TMEM132D: variants seen among roughly 807,000 people sequenced by gnomAD.
TMEM132D encodes mature OL transmembrane protein.
TMEM132D carries 21 observed loss-of-function variants against 62.3 expected under a neutral mutation model. That is an observed-to-expected ratio of 0.34 (90% CI 0.24 to 0.49). The LOEUF (loss-of-function observed/expected upper bound fraction) is 0.49, where lower values mean the gene tolerates loss of function less well. Among genes scored for constraint, TMEM132D ranks in the 20% least tolerant of loss-of-function variants. TMEM132D has a pLI of 0.99. For synonymous variants in TMEM132D, 621 were observed against 575.6 expected (o/e 1.08, Z -1.13); for missense variants, 1,346 against 1,402.8 (o/e 0.96, Z 0.65).
chr12:129,611,025 C>T (rs1437085018), intron 2 of TMEM132D, among the ~76,000 whole-genome samples: 2 of 152,248 alleles, frequency 1.3e-5, no homozygotes, highest in South Asian at 2.1e-4. Flanking sequence ...AGCTGCACCC[C>T]AGGAATCCAA....
Position 129,157,975 on chromosome 12 carries a change from G to C in TMEM132D, c.1443+51545C>G, listed in dbSNP as rs899176075. ...GATGGAGAGATAGAATTTGTCAGAG[G>C]GGTGGAGATGAGATGCGAGATAAAG... On this transcript the variant is annotated intron_variant, in intron 5 of 8. Transcript: ENST00000422113. Among the ~76,000 whole-genome samples, 5 of 152,256 alleles carry C rather than the reference G, an allele frequency of 3.3e-5. No homozygotes were observed. The East Asian group carries it at 9.6e-4, about 29-fold the overall frequency.
At chr12:129,792,437 T>C (rs2137299541) in intron 1 of TMEM132D, among the ~76,000 whole-genome samples, 1 of 152,314 alleles carries the variant, frequency 6.6e-6, no homozygotes, top group Non-Finnish European at 1.5e-5. Flanking sequence ...GGAGAGTAAC[T>C]CAATCAATGT....
At chr12:129,261,850 T>A (rs1420958138) in intron 4 of TMEM132D, among the ~76,000 whole-genome samples, 1 of 152,184 alleles carries the variant, frequency 6.6e-6, no homozygotes, top group Non-Finnish European at 1.5e-5. Context: ...TATGTCCAAA[T>A]ACAGTCACGT....
intron 1 of TMEM132D, among the ~76,000 whole-genome samples, chr12:129,872,719 T>A (rs1874288463): frequency 6.6e-6 from 1 of 152,206 alleles, no homozygotes; most frequent in Admixed American, 6.5e-5. Flanking sequence ...CTTTGTAATG[T>A]ACCGACGTAA....
intron 1 of TMEM132D, among the ~76,000 whole-genome samples, chr12:129,781,221 T>C (rs1871109489): frequency 1.3e-5 from 2 of 152,172 alleles, no homozygotes; most frequent in African/African-American, 4.8e-5. Context: ...TCTTTATGCA[T>C]AAATGTTTAG....
intron 2 of TMEM132D, among the ~76,000 whole-genome samples, chr12:129,568,176 CT>C: frequency 6.6e-6 from 1 of 152,234 alleles, no homozygotes; most frequent in Admixed American, 6.5e-5. Context: ...TGCAGGTGTG[CT>C]GCTGCAGTGT....
intron 4 of TMEM132D, among the ~76,000 whole-genome samples, chr12:129,257,082 A>G (rs900683401): frequency 1.3e-5 from 2 of 152,138 alleles, no homozygotes; most frequent in African/African-American, 4.8e-5. Context: ...GGTGTCTGAG[A>G]AGAAGGGTGT....
At chr12:129,121,104 TG>T (rs1175132651) in intron 5 of TMEM132D, among the ~76,000 whole-genome samples, 11 of 146,952 alleles carry the variant, frequency 7.5e-5, no homozygotes, top group Non-Finnish European at 1.2e-4. Flanking sequence ...TTTATTTATT[TG>T]TTTTTTTTGA....
intron 2 of TMEM132D, among the ~76,000 whole-genome samples, chr12:129,596,738 A>T (rs1232881023): frequency 6.6e-6 from 1 of 151,908 alleles, no homozygotes; most frequent in Non-Finnish European, 1.5e-5. Flanking sequence ...TTTTGATTGA[A>T]TTCCATATGC....
At chr12:129,236,538 AAAAAG>A (rs1879791375) in intron 4 of TMEM132D, among the ~76,000 whole-genome samples, 1 of 151,652 alleles carries the variant, frequency 6.6e-6, no homozygotes, top group Non-Finnish European at 1.5e-5. Context: ...AAAAGAAAAA[AAAAAG>A]AAAAGAAATG....
At chr12:129,631,616 G>T (rs1179667043) in intron 2 of TMEM132D, among the ~76,000 whole-genome samples, 2 of 152,338 alleles carry the variant, frequency 1.3e-5, no homozygotes, top group East Asian at 3.9e-4. Flanking sequence ...GGGATGGAGA[G>T]AGAATCACAT....
At chr12:129,522,739 A>C (rs1282150641) in intron 3 of TMEM132D, 1 of 120,892 alleles carries the variant, frequency 8.3e-6, no homozygotes, top group Non-Finnish European at 1.7e-5. Flanking sequence ...GCAAATGTTC[A>C]TGATCCTTAA....
chr12:129,764,935 T>A (rs114204811), intron 1 of TMEM132D, among the ~76,000 whole-genome samples: 4,378 of 152,084 alleles, frequency 0.029, 219 homozygotes, highest in African/African-American at 0.097. Flanking sequence ...AGCAAGACCC[T>A]GTCTCAAAAA....
intron 4 of TMEM132D, among the ~76,000 whole-genome samples, chr12:129,218,832 C>T (rs560062886): frequency 2.0e-4 from 30 of 152,182 alleles, no homozygotes; most frequent in East Asian, 1.4e-3. Flanking sequence ...TTGCAGGAGG[C>T]GGGAGTGAGG....
At chr12:129,165,917 CACGTG>C (rs1877532271) in intron 5 of TMEM132D, among the ~76,000 whole-genome samples, 1 of 152,238 alleles carries the variant, frequency 6.6e-6, no homozygotes, top group African/African-American at 2.4e-5. Context: ...AGTGGCTATT[CACGTG>C]ACGCTGACTA....
At position 129,427,185 on chromosome 12, in the gene TMEM132D, A is replaced by G. The variant is rs149679989; in HGVS notation, c.1116-89368T>C. On this transcript the variant is annotated intron_variant, in intron 3 of 8. Coordinates refer to ENST00000422113, the MANE Select transcript of TMEM132D (RefSeq NM_133448.3). ...TTGAATCCTAGTTAGAGTTAAAACA[A>G]AACTATATGGATGGTAAAAGACAGG... Among the ~76,000 whole-genome samples, 794 of 152,354 alleles carry G rather than the reference A, an allele frequency of 5.2e-3. 4 individuals are homozygous for G. The highest frequency in any genetic ancestry group is 8.6e-3 in the Non-Finnish European group (582 of 68,034).
intron 4 of TMEM132D, among the ~76,000 whole-genome samples, chr12:129,260,729 A>G (rs1880528538): frequency 1.3e-5 from 2 of 152,112 alleles, no homozygotes; most frequent in Admixed American, 6.5e-5. Context: ...GCATCCTCGT[A>G]GCTTTAACTC....
chr12:129,116,243 T>C (rs1007190267), intron 5 of TMEM132D, among the ~76,000 whole-genome samples: 5 of 152,096 alleles, frequency 3.3e-5, no homozygotes, highest in African/African-American at 9.7e-5. Context: ...TGAGGGAACA[T>C]GGTGAGACCT....
chr12:129,694,873 C>T (rs568039858), intron 2 of TMEM132D, among the ~76,000 whole-genome samples: 5 of 152,108 alleles, frequency 3.3e-5, no homozygotes, highest in South Asian at 2.1e-4. Context: ...CCAGGCATGG[C>T]GATGTGAGCC....
Sources: gnomAD v4.1 joint callset for allele counts (sites outside exome capture counted in the v4.1 genomes callset) on GRCh38, gnomAD v4.1.1 for gene constraint, MANE v1.5 for transcripts, NCBI Gene and HGNC (gene_info 2026-07-23, HGNC 2026-07-21) for gene names.